The following BBS9 variants were observed in gnomAD, a reference collection of about 807,000 sequenced individuals.
The protein encoded by BBS9 is protein PTHB1.
In BBS9, 89 loss-of-function variants were observed where a neutral mutation model predicts 117.7. The observed-to-expected ratio is 0.76, with a 90% CI of 0.64 to 0.90. The LOEUF is 0.90. Ranked by LOEUF, BBS9 falls within the 40% of genes least tolerant of loss-of-function variation. BBS9 has a pLI of 0.00. For missense variants in BBS9, 982 were observed against 1,042.2 expected (o/e 0.94, Z 0.80); for synonymous variants, 379 against 370.9 (o/e 1.02, Z -0.25).
chr7:33,151,716 A>T (rs2128106265), intron 2 of BBS9, among the ~76,000 whole-genome samples: 1 of 151,312 alleles, frequency 6.6e-6, no homozygotes, highest in South Asian at 2.1e-4. Flanking sequence ...CACCTAGCTA[A>T]TTTTTTCTAT....
rs1562742017 is a variant in BBS9, at chr7:33,177,654, T to G, written c.442+63T>G. On this transcript the variant is annotated intron_variant, in intron 5 of 22. Coordinates refer to ENST00000242067, the MANE Select transcript of BBS9 (RefSeq NM_198428.3). The stretch of plus-strand genomic sequence containing the variant: ...GACAGATTTAGAATATTTGGTCATA[T>G]AAAACAGAGGATTAAGTGGTTTGAC... The G allele has an allele frequency of 3.4e-6, 4 of 1,181,336 alleles. No homozygotes were observed. The South Asian group carries it at 4.9e-5, about 14-fold the overall frequency. The allele number at this position is 1,181,336 out of a possible 1,614,324, so 73.2% of individuals were successfully genotyped here.
At chr7:33,313,932 G>A (rs1389300946) in intron 9 of BBS9, among the ~76,000 whole-genome samples, 4 of 152,156 alleles carry the variant, frequency 2.6e-5, no homozygotes, top group African/African-American at 9.7e-5. Flanking sequence ...GGAAACTGAG[G>A]TTCTAGGTTT....
intron 19 of BBS9, among the ~76,000 whole-genome samples, chr7:33,479,830 G>C (rs944882971): frequency 3.3e-5 from 5 of 152,160 alleles, no homozygotes; most frequent in Non-Finnish European, 5.9e-5. Flanking sequence ...GTGATGTTGA[G>C]TGTTTTTTTA....
intron 5 of BBS9, among the ~76,000 whole-genome samples, chr7:33,249,169 A>G (rs527851130): frequency 6.6e-6 from 1 of 152,022 alleles, no homozygotes; most frequent in South Asian, 2.1e-4. Context: ...TGCCATAATA[A>G]TGAAGGATGG....
chr7:33,470,704 T>C (rs1342994740), intron 19 of BBS9, among the ~76,000 whole-genome samples: 2 of 152,182 alleles, frequency 1.3e-5, no homozygotes, highest in Non-Finnish European at 2.9e-5. Context: ...ATACTACCTC[T>C]GGAGGATTTA....
intron 19 of BBS9, among the ~76,000 whole-genome samples, chr7:33,456,554 T>G (rs1838679184): frequency 6.6e-6 from 1 of 152,160 alleles, no homozygotes; most frequent in Non-Finnish European, 1.5e-5. Context: ...TTTATGGTTG[T>G]TTTTGAGTTA....
intron 5 of BBS9, among the ~76,000 whole-genome samples, chr7:33,245,080 T>C (rs1237898545): frequency 2.0e-5 from 3 of 152,154 alleles, no homozygotes; most frequent in Non-Finnish European, 4.4e-5. Context: ...GAGTATGCTT[T>C]TGAAGTCAGA....
intron 21 of BBS9, among the ~76,000 whole-genome samples, chr7:33,595,443 A>C (rs1862583852): frequency 6.6e-6 from 1 of 152,220 alleles, no homozygotes; most frequent in African/African-American, 2.4e-5. Flanking sequence ...AAAGCTCAAC[A>C]TCACTGATCA....
At chr7:33,256,426 G>A (rs1246848063) in intron 5 of BBS9, among the ~76,000 whole-genome samples, 1 of 152,072 alleles carries the variant, frequency 6.6e-6, no homozygotes, top group Non-Finnish European at 1.5e-5. Flanking sequence ...TATCAGTTGA[G>A]GTGGGTTAGA....
intron 21 of BBS9, among the ~76,000 whole-genome samples, chr7:33,633,242 C>T (rs3735415): frequency 1.5e-4 from 23 of 151,732 alleles, no homozygotes; most frequent in Admixed American, 4.6e-4. Context: ...ATGTAGTCAC[C>T]GGTTTTACTA....
intron 15 of BBS9, among the ~76,000 whole-genome samples, chr7:33,353,978 G>T (rs147960804): frequency 1.3e-5 from 2 of 151,998 alleles, no homozygotes; most frequent in Non-Finnish European, 2.9e-5. Context: ...ACCAAATTTT[G>T]TAAAATATCA....
At chr7:33,433,220 G>C (rs1370076332) in intron 19 of BBS9, among the ~76,000 whole-genome samples, 1 of 152,010 alleles carries the variant, frequency 6.6e-6, no homozygotes, top group East Asian at 1.9e-4. Flanking sequence ...TGCATTTGCT[G>C]GTATCACAAG....
intron 19 of BBS9, among the ~76,000 whole-genome samples, chr7:33,431,200 C>T (rs1291974997): frequency 1.3e-5 from 2 of 148,676 alleles, no homozygotes; most frequent in East Asian, 1.9e-4. Context: ...AGAGTAAGAC[C>T]CTGTCTCAAA....
chr7:33,146,188 C>A, intron 1 of BBS9, 54 bp from the exon 2 acceptor site: 1 of 1,220,832 alleles, frequency 8.2e-7, no homozygotes, highest in Non-Finnish European at 1.2e-6. Context: ...TGCCTTAAGA[C>A]ATAATTATTA....
intron 20 of BBS9, among the ~76,000 whole-genome samples, chr7:33,526,309 G>A (rs990682539): frequency 4.9e-4 from 74 of 152,210 alleles, no homozygotes; most frequent in African/African-American, 1.7e-3. Context: ...TTGCTAGATT[G>A]GGGAAATTCT....
intron 15 of BBS9, among the ~76,000 whole-genome samples, chr7:33,353,888 T>A (rs1819148118): frequency 6.6e-6 from 1 of 152,044 alleles, no homozygotes; most frequent in African/African-American, 2.4e-5. Flanking sequence ...AGAATTTGGG[T>A]CATTAAAAAA....
chr7:33,260,364 G>A (rs1426643611), intron 6 of BBS9, among the ~76,000 whole-genome samples: 1 of 152,168 alleles, frequency 6.6e-6, no homozygotes, highest in Non-Finnish European at 1.5e-5. Context: ...CCTCTATGAT[G>A]TGGACTTTTG....
intron 19 of BBS9, among the ~76,000 whole-genome samples, chr7:33,396,392 A>G (rs1827971903): frequency 6.6e-6 from 1 of 152,202 alleles, no homozygotes; most frequent in East Asian, 1.9e-4. Flanking sequence ...AAAGCAGATT[A>G]TGAAATAGTA....
chr7:33,472,368 A>G (rs1841162080), intron 19 of BBS9, among the ~76,000 whole-genome samples: 1 of 152,216 alleles, frequency 6.6e-6, no homozygotes, highest in Admixed American at 6.5e-5. Context: ...GCAAAGCAAA[A>G]TTCATAAGGA....
Sources: allele counts gnomAD v4.1 joint callset (sites outside exome capture counted in the v4.1 genomes callset), GRCh38; gene constraint gnomAD v4.1.1; transcripts MANE v1.5; gene names NCBI Gene and HGNC (gene_info 2026-07-23, HGNC 2026-07-21).